Variants in CCSER1 observed in about 807,000 individuals in gnomAD.
CCSER1 encodes the protein serine-rich coiled-coil domain-containing protein 1.
A neutral mutation model predicts 82.0 loss-of-function variants in CCSER1; 41 were observed. The observed-to-expected ratio is 0.50, with a 90% CI of 0.39 to 0.65. The LOEUF (loss-of-function observed/expected upper bound fraction) is 0.65. Among genes scored for constraint, CCSER1 ranks in the 30% least tolerant of loss-of-function variants. The probability of loss-of-function intolerance (pLI) is 0.00; values close to 1 mark genes in which losing one functional copy is unlikely to be tolerated. For missense variants in CCSER1, 1,119 were observed against 1,064.2 expected, an observed-to-expected ratio of 1.05 and a Z score of -0.72; for synonymous variants, 414 against 383.9, an observed-to-expected ratio of 1.08 and a Z score of -0.92.
chr4:91,363,516 G>A (rs1326745854), intron 10 of CCSER1, among the ~76,000 whole-genome samples: 4 of 151,646 alleles, frequency 2.6e-5, no homozygotes. Flanking sequence ...GAAACACAAG[G>A]AGAAGGCAGC....
In CCSER1 at chr4:90,468,230, A is replaced by G. The variant is rs1763891403; in HGVS notation, c.1604-4A>G. The G allele has an allele frequency of 1.9e-6, 3 of 1,583,096 alleles. No homozygotes were observed. Among genetic ancestry groups the G allele is most frequent in the Non-Finnish European group, 2.6e-6 (3 of 1,164,352 alleles). ...ATTTACAATTCCTCGGTTTTTTTGA[A>G]CAGTTTGCCGGGAGGACTCATATCA... On this transcript the variant is annotated splice_region_variant and splice_polypyrimidine_tract_variant and intron_variant, in intron 4 of 10. Transcript: ENST00000509176.
intron 9 of CCSER1, among the ~76,000 whole-genome samples, chr4:91,041,769 C>T (rs939046842): frequency 4.6e-5 from 7 of 152,194 alleles, no homozygotes; most frequent in Non-Finnish European, 7.3e-5. Context: ...GCACAACAAC[C>T]TGTTTCAGTA....
At chr4:90,905,792 G>A (rs1384495446) in intron 8 of CCSER1, among the ~76,000 whole-genome samples, 4 of 152,158 alleles carry the variant, frequency 2.6e-5, no homozygotes, top group South Asian at 2.1e-4. Context: ...TCTGCTAGCT[G>A]TATAGTGGAG....
At chr4:91,313,747 A>G (rs1429918430) in intron 10 of CCSER1, among the ~76,000 whole-genome samples, 9 of 151,960 alleles carry the variant, frequency 5.9e-5, no homozygotes, top group Admixed American at 1.3e-4. Flanking sequence ...GCAAGGCCAC[A>G]TGGAAAAGAT....
chr4:90,914,559 A>G (rs1264441996), intron 8 of CCSER1, among the ~76,000 whole-genome samples: 1 of 152,180 alleles, frequency 6.6e-6, no homozygotes, highest in Non-Finnish European at 1.5e-5. Context: ...TCTAAAACTG[A>G]CACCCTAACA....
chr4:91,411,483 C>CATATATACATATAT (rs1366756161), intron 10 of CCSER1, among the ~76,000 whole-genome samples: 3 of 69,254 alleles, frequency 4.3e-5, no homozygotes, highest in African/African-American at 1.7e-4. Flanking sequence ...TAAATTTCTG[C>CATATATACATATAT]ATATATACAT....
At chr4:91,552,838 TTCC>T (rs1762221539) in intron 10 of CCSER1, among the ~76,000 whole-genome samples, 1 of 151,692 alleles carries the variant, frequency 6.6e-6, no homozygotes. Context: ...TAATTTTTTC[TTCC>T]TTTTTTATTT....
chr4:91,005,911 T>A (rs1191243608), intron 9 of CCSER1, among the ~76,000 whole-genome samples: 3 of 152,214 alleles, frequency 2.0e-5, no homozygotes, highest in Non-Finnish European at 4.4e-5. Context: ...GAGCTCTCTA[T>A]TCTGTTCCAC....
chr4:90,318,783 C>A (rs536571313), intron 3 of CCSER1, among the ~76,000 whole-genome samples: 56 of 152,128 alleles, frequency 3.7e-4, no homozygotes, highest in Non-Finnish European at 7.9e-4. Flanking sequence ...TTCTTCATTT[C>A]TTCATTCATT....
intron 1 of CCSER1, among the ~76,000 whole-genome samples, chr4:90,157,076 C>G (rs1221963309): frequency 6.6e-6 from 1 of 152,152 alleles, no homozygotes; most frequent in African/African-American, 2.4e-5. Context: ...CTGGTGGTGA[C>G]AAAATCTCTC....
chr4:90,569,006 G>A (rs938294690), intron 5 of CCSER1, among the ~76,000 whole-genome samples: 4 of 141,064 alleles, frequency 2.8e-5, no homozygotes, highest in African/African-American at 1.2e-4. Flanking sequence ...GACCTCAGGT[G>A]ATCCCAAAGT....
At chr4:91,450,304 A>T (rs566707326) in intron 10 of CCSER1, among the ~76,000 whole-genome samples, 38 of 152,164 alleles carry the variant, frequency 2.5e-4, no homozygotes, top group African/African-American at 8.9e-4. Context: ...GGGAAAAAAA[A>T]CCATCAAAAC....
intron 7 of CCSER1, among the ~76,000 whole-genome samples, chr4:90,811,178 G>A (rs7698270): frequency 0.33 from 50,744 of 151,902 alleles, 8,628 homozygotes; most frequent in East Asian, 0.42. Flanking sequence ...ATGAGGTATT[G>A]TGAGGGAGAG....
chr4:90,961,378 G>T (rs1734037723), intron 9 of CCSER1, among the ~76,000 whole-genome samples: 1 of 152,046 alleles, frequency 6.6e-6, no homozygotes, highest in Admixed American at 6.6e-5. Flanking sequence ...GACCAAAAAT[G>T]GTCAACCATT....
intron 9 of CCSER1, among the ~76,000 whole-genome samples, chr4:90,985,809 A>G (rs961479123): frequency 6.6e-6 from 1 of 151,758 alleles, no homozygotes; most frequent in African/African-American, 2.4e-5. Context: ...GAAGAAAAAA[A>G]GAAAAGAAAC....
At chr4:90,495,538 C>G (rs918907437) in intron 5 of CCSER1, among the ~76,000 whole-genome samples, 1 of 152,096 alleles carries the variant, frequency 6.6e-6, no homozygotes, top group Non-Finnish European at 1.5e-5. Context: ...TAAATAACTT[C>G]TCCAAAATAA....
chr4:90,633,127 T>C (rs1229532475), intron 6 of CCSER1, among the ~76,000 whole-genome samples: 1 of 152,084 alleles, frequency 6.6e-6, no homozygotes, highest in African/African-American at 2.4e-5. Flanking sequence ...ACTTGTACCT[T>C]GTTATATCTT....
intron 1 of CCSER1, among the ~76,000 whole-genome samples, chr4:90,190,983 G>A (rs541972534): frequency 6.6e-6 from 1 of 151,828 alleles, no homozygotes; most frequent in Non-Finnish European, 1.5e-5. Flanking sequence ...TTTATGCTAT[G>A]TTCTTTAAAA....
chr4:90,565,205 A>C (rs1779219945), intron 5 of CCSER1, among the ~76,000 whole-genome samples: 1 of 151,624 alleles, frequency 6.6e-6, no homozygotes, highest in African/African-American at 2.4e-5. Context: ...TTTCATTAAT[A>C]TTTTAAATTT....
Sources: gnomAD v4.1 joint callset for allele counts (sites outside exome capture counted in the v4.1 genomes callset) on GRCh38, gnomAD v4.1.1 for gene constraint, MANE v1.5 for transcripts, NCBI Gene and HGNC (gene_info 2026-07-23, HGNC 2026-07-21) for gene names.